Variants in PCDHA12 observed in about 807,000 individuals in gnomAD.
The protein encoded by PCDHA12 is protocadherin alpha-12.
PCDHA12 carries 44 observed loss-of-function variants against 60.0 expected under a neutral mutation model. The observed-to-expected ratio is 0.73, with a 90% CI of 0.58 to 0.94. The LOEUF is 0.94. Ranked by LOEUF, PCDHA12 falls within the 40% of genes least tolerant of loss-of-function variation. The pLI, the probability that PCDHA12 is intolerant of heterozygous loss-of-function variation, is 0.00. For synonymous variants in PCDHA12, 569 were observed against 553.0 expected, an observed-to-expected ratio of 1.03 and a Z score of -0.40; for missense variants, 1,276 against 1,239.7, an observed-to-expected ratio of 1.03 and a Z score of -0.44.
chr5:140,885,516 T>C (rs1235698672), intron 1 of PCDHA12, among the ~76,000 whole-genome samples: 1 of 152,198 alleles, frequency 6.6e-6, no homozygotes, highest in South Asian at 2.1e-4. Context: ...TGCTGTGCTA[T>C]CATTTCATAT....
intron 3 of PCDHA12, among the ~76,000 whole-genome samples, chr5:141,005,406 G>C (rs1224420854): frequency 1.3e-5 from 2 of 152,172 alleles, no homozygotes; most frequent in Non-Finnish European, 2.9e-5. Flanking sequence ...GACTTGAAGA[G>C]TGAGGAGTCA....
intron 1 of PCDHA12, chr5:140,884,138 G>T (rs782798249): frequency 6.2e-7 from 1 of 1,613,410 alleles, no homozygotes; most frequent in Admixed American, 1.7e-5. Context: ...CCCGTTCCGC[G>T]TGGGGCTGTA....
At chr5:140,884,188 G>C in intron 1 of PCDHA12, 1 of 1,613,436 alleles carries the variant, frequency 6.2e-7, no homozygotes, top group Middle Eastern at 1.7e-4. Flanking sequence ...TGGACGAGGT[G>C]GACGCGCCGC....
intron 1 of PCDHA12, among the ~76,000 whole-genome samples, chr5:140,973,235 A>C (rs1390895303): frequency 6.6e-6 from 1 of 152,218 alleles, no homozygotes; most frequent in Non-Finnish European, 1.5e-5. Context: ...GTGACCTGAA[A>C]GAGTTAATTC....
chr5:140,951,183 G>A (rs1554219780), intron 1 of PCDHA12, among the ~76,000 whole-genome samples: 3 of 151,518 alleles, frequency 2.0e-5, no homozygotes, highest in Admixed American at 6.6e-5. Flanking sequence ...GTCATTGTCC[G>A]CTAATTCCCA....
At chr5:140,912,523 A>G (rs550105639) in intron 1 of PCDHA12, among the ~76,000 whole-genome samples, 1 of 152,248 alleles carries the variant, frequency 6.6e-6, no homozygotes, top group East Asian at 1.9e-4. Context: ...TAGGGTTTTC[A>G]GAGTACATGA....
Position 141,009,978 on chromosome 5 carries a change from A to G in PCDHA12, c.*41A>G. On this transcript the variant is annotated 3_prime_UTR_variant, in exon 4 of 4. Coordinates refer to ENST00000398631, the MANE Select transcript of PCDHA12 (RefSeq NM_018903.4). Reference sequence around the variant, plus strand: ...ACAAGCCACTTAGCCAGTTTTTGTAATAATGGCAAATCTCTCCCATGTAGC... The same window carrying G: ...ACAAGCCACTTAGCCAGTTTTTGTAGTAATGGCAAATCTCTCCCATGTAGC... 2 of 1,583,512 alleles carry G rather than the reference A, an allele frequency of 1.3e-6. No homozygotes were observed. Among genetic ancestry groups the G allele is most frequent in the Non-Finnish European group, 1.7e-6 (2 of 1,168,204 alleles).
intron 1 of PCDHA12, chr5:140,967,981 G>A (rs1192553799): frequency 4.3e-6 from 7 of 1,614,084 alleles, no homozygotes; most frequent in African/African-American, 1.3e-5. Flanking sequence ...TGGGTCTGGA[G>A]GCCACACTGC....
Position 140,946,375 on chromosome 5 carries a change from G to A in PCDHA12, c.2368-32574G>A, listed in dbSNP as rs531638250. Among the ~76,000 whole-genome samples, 14 of 151,710 alleles carry A rather than the reference G, an allele frequency of 9.2e-5. No homozygotes were observed. In the South Asian group the frequency reaches 2.9e-3, roughly 32 times the overall value. On this transcript the variant is annotated intron_variant, in intron 1 of 3. Transcript: ENST00000398631. ...TGGAGAAAAGGGAACTCTTGCACACGGTTGGTAGGAATGTAAATTAGTACA... is the reference window on the plus strand; with the variant it reads ...TGGAGAAAAGGGAACTCTTGCACACAGTTGGTAGGAATGTAAATTAGTACA...
At chr5:140,972,027 C>A (rs2096514532) in intron 1 of PCDHA12, among the ~76,000 whole-genome samples, 1 of 152,110 alleles carries the variant, frequency 6.6e-6, no homozygotes, top group African/African-American at 2.4e-5. Flanking sequence ...GATATTCAGG[C>A]ATTTAAGCTA....
At chr5:140,992,023 G>C (rs1415968916) in intron 3 of PCDHA12, among the ~76,000 whole-genome samples, 2 of 148,226 alleles carry the variant, frequency 1.3e-5, no homozygotes, top group African/African-American at 4.9e-5. Flanking sequence ...GGCTCTGTGT[G>C]TGTGTGTGTG....
chr5:140,978,920 A>G, intron 1 of PCDHA12, 29 bp from the exon 2 acceptor site: 1 of 1,614,014 alleles, frequency 6.2e-7, no homozygotes, highest in Non-Finnish European at 8.5e-7. Context: ...TTGTCATTTT[A>G]ACAGAAAACT....
At chr5:140,952,970 T>C (rs2094826762) in intron 1 of PCDHA12, among the ~76,000 whole-genome samples, 1 of 152,000 alleles carries the variant, frequency 6.6e-6, no homozygotes, top group Non-Finnish European at 1.5e-5. Context: ...TACACACTTT[T>C]AAACAACAAG....
At chr5:141,005,633 C>T (rs1292206901) in intron 3 of PCDHA12, among the ~76,000 whole-genome samples, 2 of 126,368 alleles carry the variant, frequency 1.6e-5, no homozygotes. Context: ...ACCCGGGAGG[C>T]GGAGCTTGCA....
intron 1 of PCDHA12, among the ~76,000 whole-genome samples, chr5:140,898,648 G>A (rs1436511217): frequency 6.6e-6 from 1 of 152,136 alleles, no homozygotes; most frequent in Non-Finnish European, 1.5e-5. Flanking sequence ...TGTTCTTTTG[G>A]CTTAGGATTG....
chr5:140,942,532 A>G (rs1474733493), intron 1 of PCDHA12, among the ~76,000 whole-genome samples: 2 of 152,142 alleles, frequency 1.3e-5, no homozygotes, highest in Non-Finnish European at 2.9e-5. Context: ...CAACTAACTC[A>G]GTATGGTGGG....
At chr5:140,900,489 C>G (rs1429058590) in intron 1 of PCDHA12, among the ~76,000 whole-genome samples, 8 of 152,196 alleles carry the variant, frequency 5.3e-5, no homozygotes, top group African/African-American at 1.7e-4. Context: ...GTTGGTCAGA[C>G]TGGTCTCAAA....
At chr5:140,960,922 G>C (rs562658138) in intron 1 of PCDHA12, among the ~76,000 whole-genome samples, 1 of 152,272 alleles carries the variant, frequency 6.6e-6, no homozygotes, top group East Asian at 1.9e-4. Flanking sequence ...ATAGAAAATT[G>C]GTACTAAGTT....
chr5:140,972,820 C>T (rs1247488574), intron 1 of PCDHA12, among the ~76,000 whole-genome samples: 1 of 151,962 alleles, frequency 6.6e-6, no homozygotes, highest in Non-Finnish European at 1.5e-5. Context: ...CGCGCCACCA[C>T]GCCTGGCTAA....
Sources: allele counts gnomAD v4.1 joint callset (sites outside exome capture counted in the v4.1 genomes callset), GRCh38; gene constraint gnomAD v4.1.1; transcripts MANE v1.5; gene names NCBI Gene and HGNC (gene_info 2026-07-23, HGNC 2026-07-21).